The following AXIN2 variants were observed in gnomAD, a reference collection of about 807,000 sequenced individuals.
The protein encoded by AXIN2 is axin 2, also known as axin-2.
Under a neutral mutation model 74.7 loss-of-function variants are expected in AXIN2, and 21 were observed. That is an observed-to-expected ratio of 0.28 (90% CI 0.20 to 0.40). The LOEUF (loss-of-function observed/expected upper bound fraction) is 0.40. Ranked by LOEUF, AXIN2 falls within the 10% of genes least tolerant of loss-of-function variation. The pLI, the probability that AXIN2 is intolerant of heterozygous loss-of-function variation, is 1.00. For synonymous variants in AXIN2, 532 were observed against 454.9 expected (o/e 1.17, Z -2.16); for missense variants, 1,144 against 1,111.1 (o/e 1.03, Z -0.42).
chr17:65,537,919 C>T, intron 5 of AXIN2, 84 bp from the exon 6 acceptor site: 3 of 1,169,638 alleles, frequency 2.6e-6, no homozygotes, highest in East Asian at 3.2e-5. Context: ...CGGCTCCCTA[C>T]GCAGGAGCAC....
At chr17:65,538,708 C>T (rs1375404967) in intron 4 of AXIN2, among the ~76,000 whole-genome samples, 1 of 100,492 alleles carries the variant, frequency 1.0e-5, no homozygotes, top group Admixed American at 1.1e-4. Flanking sequence ...AAAAAAAAGG[C>T]AGCCCTCTGA....
In AXIN2 at chr17:65,536,649, C is replaced by G. The variant is rs28684769; in HGVS notation, c.1908-96G>C. Reference sequence around the variant, plus strand: ...TCAATAGAAACTTGTCTATTCTGCTCAGAGAGAGAGTTAAAAAAAAAACTA... The same window carrying G: ...TCAATAGAAACTTGTCTATTCTGCTGAGAGAGAGAGTTAAAAAAAAAACTA... On this transcript the variant is annotated intron_variant, in intron 7 of 10. Transcript: ENST00000307078. 902,160 of 1,454,066 alleles carry G rather than the reference C, an allele frequency of 0.62. 288,879 individuals carry two copies. The highest frequency in any genetic ancestry group is 0.66 in the Non-Finnish European group (685,349 of 1,040,574). The allele number at this position is 1,454,066 out of a possible 1,614,324, so 90.1% of individuals were successfully genotyped here.
chr17:65,538,085 GCATGCGCATGCAACCCACGCA>G (rs1567756988), intron 5 of AXIN2, 97 bp downstream of exon 5: 4 of 1,550,394 alleles, frequency 2.6e-6, no homozygotes, highest in Admixed American at 3.7e-5. Context: ...CAGCCCACGC[GCATGCGCATGCAACCCACGCA>G]CATGCGCACA....
intron 2 of AXIN2, among the ~76,000 whole-genome samples, chr17:65,556,890 G>T (rs1287637695): frequency 6.6e-6 from 1 of 152,102 alleles, no homozygotes; most frequent in Non-Finnish European, 1.5e-5. Context: ...ACCACACCCC[G>T]GAATTAAGAG....
intron 2 of AXIN2, among the ~76,000 whole-genome samples, chr17:65,551,165 G>C (rs1377337641): frequency 1.3e-5 from 2 of 152,150 alleles, no homozygotes; most frequent in Admixed American, 1.3e-4. Context: ...ATTTCTAGGA[G>C]GGACAGTTGG....
chr17:65,529,902 C>A lies in AXIN2; in HGVS notation c.*74G>T. On this transcript the variant is annotated 3_prime_UTR_variant, in exon 11 of 11. Transcript: ENST00000307078. ...TTAATTTTCCTTCAAAATGTTTTGT[C>A]GCAGTTGCTCACAGCCAAGACAGTT... 6.2e-7 allele frequency: 1 copy of A among 1,609,156 alleles called. No individual in the cohort carries two copies. The highest frequency in any genetic ancestry group is 8.5e-7 in the Non-Finnish European group (1 of 1,177,204).
chr17:65,535,829 G>A (rs753865858), intron 8 of AXIN2, 108 bp from the exon 9 acceptor site: 190 of 1,004,508 alleles, frequency 1.9e-4, no homozygotes, highest in Non-Finnish European at 2.4e-4. Flanking sequence ...ACACGAACCC[G>A]ACTTCCATCC....
chr17:65,530,021 C>A lies in AXIN2; in HGVS notation c.2487G>T (p.Pro829=), dbSNP rs768793839. Residue 829 remains proline, a synonymous_variant, in exon 11 of 11, where the codon CCG becomes CCT. Transcript: ENST00000307078. ...TGCCCAGAATCCGGCCTTCATACAT[C>A]GGGAGCACCGTCTCATCCTCCCAGA... ...EEIWEDETVL[P]MYEGRILGKV... The A allele has an allele frequency of 1.2e-6, 2 of 1,614,200 alleles. No individual in the cohort carries two copies. The highest frequency in any genetic ancestry group is 8.5e-7 in the Non-Finnish European group (1 of 1,180,030).
intron 9 of AXIN2, among the ~76,000 whole-genome samples, chr17:65,534,526 G>A (rs918687552): frequency 1.3e-5 from 2 of 152,158 alleles, no homozygotes; most frequent in African/African-American, 4.8e-5. Context: ...ATCTCAGAAT[G>A]CCTAAAGCCC....
At chr17:65,561,388 C>G (rs1158077990) in intron 1 of AXIN2, 62 bp downstream of exon 1, 4 of 147,790 alleles carry the variant, frequency 2.7e-5, no homozygotes, top group Non-Finnish European at 6.0e-5. Flanking sequence ...CGCGACCTCG[C>G]CCCCTGTAAG....
rs941589217 is a variant in AXIN2, at chr17:65,529,605, A to G, written c.*371T>C. ...ATGGGGGAAATCAACTGTTCTATAA[A>G]TATCAGTAAGGATTCCTGTTCAGGT... On this transcript the variant is annotated 3_prime_UTR_variant, in exon 11 of 11. Coordinates refer to ENST00000307078, the MANE Select transcript of AXIN2 (RefSeq NM_004655.4). 34 of 392,920 alleles carry G rather than the reference A, an allele frequency of 8.7e-5. No homozygotes were observed. Among genetic ancestry groups the G allele is most frequent in the Non-Finnish European group, 1.5e-4 (31 of 211,520 alleles). The allele number at this position is 392,920 out of a possible 1,614,324, so 24.3% of individuals were successfully genotyped here. A position where few individuals can be genotyped will look rare whatever the true frequency, so the allele number is the denominator to read the frequency against.
chr17:65,535,584 A>G (rs1330051260), intron 9 of AXIN2, 42 bp downstream of exon 9: 2 of 1,570,192 alleles, frequency 1.3e-6, no homozygotes, highest in African/African-American at 1.4e-5. Flanking sequence ...TGAAACATAA[A>G]GCACTCGGCA....
intron 1 of AXIN2, chr17:65,560,796 C>T (rs1260588691): frequency 6.6e-6 from 1 of 151,442 alleles, no homozygotes; most frequent in Non-Finnish European, 1.5e-5. Context: ...GCGCGCGGTC[C>T]GCCCGGCCGC....
intron 3 of AXIN2, among the ~76,000 whole-genome samples, chr17:65,543,980 C>T (rs2044079842): frequency 6.6e-6 from 1 of 152,100 alleles, no homozygotes; most frequent in Non-Finnish European, 1.5e-5. Context: ...ATTCTGCTGC[C>T]CTAGGGCTGT....
chr17:65,537,778 G>A lies in AXIN2; in HGVS notation c.1258C>T (p.Gln420Ter), dbSNP rs1555578074. The A allele has an allele frequency of 6.3e-7, 1 of 1,588,252 alleles. No homozygotes were observed. Among genetic ancestry groups the A allele is most frequent in the Non-Finnish European group, 8.6e-7 (1 of 1,167,100 alleles). ...TLNSREGAPT[Q>*]HPLSLLPSGS... is the part of the protein sequence containing the mutation. ...GAGGGCAGTAGGGAGAGGGGGTGCT[G>A]CGTGGGCGCCCCCTCCCGCGAATTG... Residue 420 changes from glutamine to a stop codon, truncating the protein, a stop_gained, in exon 6 of 11, where the codon CAG (glutamine) becomes TAG (stop). Transcript: ENST00000307078. LOFTEE classifies it high-confidence loss of function.
chr17:65,536,841 G>T, intron 7 of AXIN2, 28 bp downstream of exon 7: 1 of 1,612,228 alleles, frequency 6.2e-7, no homozygotes, highest in Non-Finnish European at 8.5e-7. Flanking sequence ...TGACCCTCGC[G>T]GCCGCGGCGG....
chr17:65,537,456 G>A lies in AXIN2; in HGVS notation c.1580C>T (p.Thr527Ile), dbSNP rs1435184211. The change falls in exon 6 of 11, where the codon ACC becomes ATC. Residue 527 changes from threonine (T) to isoleucine (I), a missense_variant. Physicochemically the swap from Thr to Ile is moderately conservative, Grantham distance 89. Around this residue, in one of 4 missense-constraint regions of AXIN2, gnomAD observed 1,053 missense variants for 973.5 expected, o/e 1.08. Coordinates refer to ENST00000307078, the MANE Select transcript of AXIN2 (RefSeq NM_004655.4). ...GGCCTCCGCCTCGATCTCCTCCTTG[G>A]TCTTGGGGACGGCATGGTGGTGGAT... ...HYIHHHAVPKTKEEIEAEATQ... is the reference protein window; with the variant it reads ...HYIHHHAVPKIKEEIEAEATQ... 1.9e-6 allele frequency: 3 copies of A among 1,613,878 alleles called. No individual in the cohort carries two copies. Among genetic ancestry groups the A allele is most frequent in the Non-Finnish European group, 2.5e-6 (3 of 1,180,020 alleles).
chr17:65,533,714 T>A (rs755174131), intron 10 of AXIN2, among the ~76,000 whole-genome samples, 198 bp downstream of exon 10: 5 of 152,140 alleles, frequency 3.3e-5, no homozygotes, highest in African/African-American at 9.7e-5. Flanking sequence ...GCAGCCTCCC[T>A]CTTGCGGCTG....
chr17:65,560,693 GGCGCCGGGTCCGCCGCTCCCCTCC>G (rs1404937813), intron 1 of AXIN2: 1 of 151,920 alleles, frequency 6.6e-6, no homozygotes, highest in Non-Finnish European at 1.5e-5. Flanking sequence ...CGGAACGCTG[GGCGCCGGGTCCGCCGCTCCCCTCC>G]GCGCCGGCCC....
Sources: gnomAD v4.1 joint callset for allele counts (sites outside exome capture counted in the v4.1 genomes callset) on GRCh38, gnomAD v4.1.1 for gene constraint, gnomAD v4.1.1 regional missense constraint, MANE v1.5 for transcripts, NCBI Gene and HGNC (gene_info 2026-07-23, HGNC 2026-07-21) for gene names.